Variants in UNC13A observed in about 807,000 individuals in gnomAD.
UNC13A encodes unc-13 homolog A.
A neutral mutation model predicts 219.7 loss-of-function variants in UNC13A; 61 were observed. That is an observed-to-expected ratio of 0.28 (90% CI 0.23 to 0.34). The LOEUF is 0.34. UNC13A is among the 10% of genes least tolerant of loss of function. The pLI, the probability that UNC13A is intolerant of heterozygous loss-of-function variation, is 1.00. For synonymous variants in UNC13A, 920 were observed against 884.6 expected (o/e 1.04, Z -0.71); for missense variants, 1,476 against 2,270.3 (o/e 0.65, Z 7.11).
chr19:17,649,579 C>A lies in UNC13A; in HGVS notation c.1448G>T (p.Gly483Val). Residue 483 changes from glycine to valine, a missense_variant, in exon 13 of 44, where the codon GGC (glycine) becomes GTC (valine). Coordinates refer to ENST00000519716, the MANE Select transcript of UNC13A (RefSeq NM_001080421.3). This position sits in a 1 kb window ranked among gnomAD's most constrained non-coding sequence, Gnocchi z 4.4. ...CATGCTGTCGATGATGATGAGACCG[C>A]CCCCTGGGCTGAAAGACACAGAGGG... ...KSLWFKGGPG[G>V]GLIIIDSMPD... 5.0e-6 allele frequency: 8 copies of A among 1,613,832 alleles called. No individual in the cohort carries two copies. Among genetic ancestry groups the A allele is most frequent in the Non-Finnish European group, 6.8e-6 (8 of 1,179,854 alleles).
At chr19:17,618,391 C>T in intron 40 of UNC13A, 30 bp downstream of exon 40, 2 of 1,553,178 alleles carry the variant, frequency 1.3e-6, no homozygotes, top group Non-Finnish European at 1.7e-6. Context: ...ACATCCCCCA[C>T]CTGGGATGGG....
chr19:17,687,736 C>T (rs928347642), intron 1 of UNC13A, among the ~76,000 whole-genome samples: 6 of 152,104 alleles, frequency 3.9e-5, no homozygotes, highest in Non-Finnish European at 7.4e-5. Flanking sequence ...GAATTTCCAG[C>T]CGGGTCCGCG....
chr19:17,663,600 G>A (rs773278583), intron 7 of UNC13A, 33 bp from the exon 8 acceptor site: 1 of 1,590,646 alleles, frequency 6.3e-7, no homozygotes, highest in South Asian at 1.1e-5. Context: ...TAATAAAAGG[G>A]AGCAGACAGA....
intron 1 of UNC13A, among the ~76,000 whole-genome samples, chr19:17,682,141 A>G (rs2080031473): frequency 6.6e-6 from 1 of 152,028 alleles, no homozygotes; most frequent in African/African-American, 2.4e-5. Context: ...TTTAGTAAAG[A>G]CAGGGTTTCA....
intron 43 of UNC13A, among the ~76,000 whole-genome samples, chr19:17,608,643 G>A (rs190802936): frequency 2.0e-5 from 3 of 150,440 alleles, no homozygotes; most frequent in East Asian, 1.9e-4. Context: ...TCAGCCTCCC[G>A]AGTAGCTGGG....
intron 25 of UNC13A, among the ~76,000 whole-genome samples, chr19:17,637,656 A>G (rs2076926758): frequency 6.6e-6 from 1 of 152,346 alleles, no homozygotes; most frequent in Middle Eastern, 3.4e-3. Flanking sequence ...TAAACTGATT[A>G]TGGTTGAACT....
At chr19:17,632,953 C>A (rs185311313) in intron 27 of UNC13A, 45 bp from the exon 28 acceptor site, 1 of 1,612,860 alleles carries the variant, frequency 6.2e-7, no homozygotes, top group East Asian at 2.2e-5. Context: ...GGGTCTGCCA[C>A]CCTCTGTCTC....
intron 7 of UNC13A, among the ~76,000 whole-genome samples, chr19:17,666,130 CT>C (rs879520706): frequency 0.4 from 51,976 of 130,974 alleles, 11,128 homozygotes; most frequent in African/African-American, 0.63. Context: ...TCTTTTCTTT[CT>C]TTTTCTTTCT....
At chr19:17,606,427 C>A in intron 43 of UNC13A, 73 bp from the exon 44 acceptor site, 2 of 1,504,526 alleles carry the variant, frequency 1.3e-6, no homozygotes, top group African/African-American at 1.4e-5. Flanking sequence ...CCGTCCCCAC[C>A]GCATTTGCGG....
At position 17,663,535 on chromosome 19, in the gene UNC13A, G is replaced by A. The variant is rs1192546836; in HGVS notation, c.556C>T (p.His186Tyr). The part of the protein sequence containing the change: ...NWNYFGWGEQ[H>Y]NDDPDSAVDD... ...ATCAATCAGGCTGAGTACTTACTGTGCTGCTCACCCCAGCCAAAATAATTC... is the reference window on the plus strand; with the variant it reads ...ATCAATCAGGCTGAGTACTTACTGTACTGCTCACCCCAGCCAAAATAATTC... The change falls in exon 8 of 44, where the codon CAC (histidine) becomes TAC (tyrosine). Residue 186 changes from histidine to tyrosine, a missense_variant. His to Tyr is a moderately conservative substitution (Grantham distance 83). Around this residue, in one of 14 missense-constraint regions of UNC13A, gnomAD observed 203 missense variants for 301.6 expected, o/e 0.67. Coordinates refer to ENST00000519716, the MANE Select transcript of UNC13A (RefSeq NM_001080421.3). The A allele has an allele frequency of 6.2e-7, 1 of 1,612,870 alleles. No homozygotes were observed. Among genetic ancestry groups the A allele is most frequent in the Admixed American group, 1.7e-5 (1 of 59,828 alleles).
At chr19:17,682,245 G>C (rs7254734) in intron 1 of UNC13A, among the ~76,000 whole-genome samples, 94,234 of 152,072 alleles carry the variant, frequency 0.62, 30,905 homozygotes, top group African/African-American at 0.79. Flanking sequence ...TGAGCCACCG[G>C]GGCCGGCCCA....
chr19:17,610,143 T>A (rs752702296), intron 42 of UNC13A, 44 bp from the exon 43 acceptor site: 3 of 1,609,852 alleles, frequency 1.9e-6, no homozygotes, highest in Non-Finnish European at 2.5e-6. Flanking sequence ...GTTCTCCCAG[T>A]TGGAAAAAGT....
At chr19:17,619,200 C>T (rs908823435) in intron 38 of UNC13A, among the ~76,000 whole-genome samples, 7 of 152,072 alleles carry the variant, frequency 4.6e-5, no homozygotes, top group African/African-American at 1.7e-4. Context: ...GCTTGTGTAA[C>T]AGGAGAAACA....
At chr19:17,660,535 G>GTTT (rs11383230) in intron 8 of UNC13A, among the ~76,000 whole-genome samples, 13 of 139,642 alleles carry the variant, frequency 9.3e-5, no homozygotes, top group Non-Finnish European at 1.5e-4. Context: ...TGGTTTTTGG[G>GTTT]TTTTTTTTTT....
intron 1 of UNC13A, among the ~76,000 whole-genome samples, chr19:17,682,781 G>A (rs1467345588): frequency 6.6e-6 from 1 of 152,164 alleles, no homozygotes. Context: ...AAGCAATCCT[G>A]GCTGGGCACA....
chr19:17,617,907 G>T, intron 40 of UNC13A, 58 bp from the exon 41 acceptor site: 1 of 1,602,022 alleles, frequency 6.2e-7, no homozygotes, highest in Non-Finnish European at 8.5e-7. Flanking sequence ...CCACTCATAG[G>T]GCTGGGTAGC....
At chr19:17,631,415 C>A (rs1234843909) in intron 28 of UNC13A, among the ~76,000 whole-genome samples, 1 of 151,060 alleles carries the variant, frequency 6.6e-6, no homozygotes, top group Non-Finnish European at 1.5e-5. Flanking sequence ...TTTGTAGAGA[C>A]AGGATTTCCC....
chr19:17,640,785 G>T (rs1050203710), intron 21 of UNC13A, 124 bp from the exon 22 acceptor site: 2 of 1,062,754 alleles, frequency 1.9e-6, no homozygotes, highest in South Asian at 2.1e-5. Context: ...ACCATCCCCT[G>T]CCTGATTCTG....
intron 6 of UNC13A, 35 bp from the exon 7 acceptor site, chr19:17,666,739 C>T (rs775577127): frequency 8.8e-6 from 13 of 1,470,406 alleles, no homozygotes; most frequent in Non-Finnish European, 1.2e-5. Context: ...GGGCTTCTCT[C>T]AGAGGGGCCA....
Sources: allele counts gnomAD v4.1 joint callset (sites outside exome capture counted in the v4.1 genomes callset), GRCh38; gene constraint gnomAD v4.1.1; regional missense constraint gnomAD v4.1.1; non-coding constraint Gnocchi (gnomAD v3.1); transcripts MANE v1.5; gene names NCBI Gene and HGNC (gene_info 2026-07-23, HGNC 2026-07-21).